Variants in GRM5 observed in about 807,000 individuals in gnomAD.
GRM5 encodes glutamate metabotropic receptor 5.
In GRM5, 19 loss-of-function variants were observed where a neutral mutation model predicts 83.1. The ratio of observed to expected loss-of-function variants is 0.23; its 90% CI spans 0.16 to 0.34. The LOEUF is 0.34. Ranked by LOEUF, GRM5 falls within the 10% of genes least tolerant of loss-of-function variation. GRM5 has a pLI of 1.00. For synonymous variants in GRM5, 675 were observed against 633.6 expected, an observed-to-expected ratio of 1.07 and a Z score of -0.98; for missense variants, 1,160 against 1,588.3, an observed-to-expected ratio of 0.73 and a Z score of 4.58.
chr11:88,703,402 T>A (rs966418483), intron 3 of GRM5, among the ~76,000 whole-genome samples: 3 of 151,956 alleles, frequency 2.0e-5, no homozygotes. Context: ...TATGTAGACA[T>A]CTCATGTTAC....
At chr11:88,693,907 C>T (rs939825742) in intron 3 of GRM5, among the ~76,000 whole-genome samples, 5 of 152,146 alleles carry the variant, frequency 3.3e-5, no homozygotes, top group Non-Finnish European at 7.4e-5. Flanking sequence ...ACATCTCAGG[C>T]TGGGTAATAG....
chr11:88,672,932 C>T (rs751916648), intron 3 of GRM5, among the ~76,000 whole-genome samples: 18 of 151,822 alleles, frequency 1.2e-4, no homozygotes, highest in Non-Finnish European at 1.5e-4. Flanking sequence ...GTTACTGTAT[C>T]GAGTCTTGAA....
At chr11:88,846,977 A>G (rs1024761946) in intron 3 of GRM5, among the ~76,000 whole-genome samples, 5 of 152,292 alleles carry the variant, frequency 3.3e-5, no homozygotes, top group Admixed American at 2.0e-4. Context: ...TTTCTACTCT[A>G]CAGAAGACAA....
intron 7 of GRM5, among the ~76,000 whole-genome samples, chr11:88,569,551 C>T (rs981341809): frequency 6.6e-5 from 10 of 152,178 alleles, no homozygotes; most frequent in African/African-American, 2.4e-4. Context: ...AGGAAAATGA[C>T]TCATGGTAGA....
chr11:89,058,639 A>G (rs1941925315), intron 1 of GRM5, among the ~76,000 whole-genome samples: 1 of 152,178 alleles, frequency 6.6e-6, no homozygotes, highest in African/African-American at 2.4e-5. Flanking sequence ...TTATGCAGTT[A>G]TTTGTCTGTA....
At position 88,509,483 on chromosome 11, in the gene GRM5, C is replaced by A. The variant is rs774259182; in HGVS notation, c.2748G>T (p.Thr916=). The A allele has an allele frequency of 6.2e-7, 1 of 1,611,904 alleles. No homozygotes were observed. The highest frequency in any genetic ancestry group is 8.5e-7 in the Non-Finnish European group (1 of 1,179,458). ...TMSSSNGKSV[T]WAQNEKSSRG... is the part of the protein sequence containing the mutation. ...GGCTGCTCTTCTCATTCTGGGCCCACGTGACGGATTTTCCATTGGAACTGA... is the reference window on the plus strand; with the variant it reads ...GGCTGCTCTTCTCATTCTGGGCCCAAGTGACGGATTTTCCATTGGAACTGA... The change falls in exon 10 of 10, where the codon ACG becomes ACT. Residue 916 remains threonine, a synonymous_variant. Coordinates refer to ENST00000305447, the MANE Select transcript of GRM5 (RefSeq NM_001143831.3).
chr11:88,889,981 G>A (rs1945114098), intron 2 of GRM5, among the ~76,000 whole-genome samples: 1 of 152,144 alleles, frequency 6.6e-6, no homozygotes, highest in Admixed American at 6.6e-5. Context: ...TGAGTTTTGG[G>A]TGTATCAAAA....
At position 88,970,319 on chromosome 11, in the gene GRM5, C is replaced by G. The variant is rs577237693; in HGVS notation, c.661+76893G>C. On this transcript the variant is annotated intron_variant, in intron 2 of 9. Transcript: ENST00000305447. ...ACTTACGAAGCTCTGCTTCTTCCAT[C>G]CTATGGCCCCTGCTTCCCCTAGATT... Among the ~76,000 whole-genome samples the G allele has an allele frequency of 8.5e-5, 13 of 152,268 alleles. No homozygotes were observed. The East Asian group carries it at 2.5e-3, about 29-fold the overall frequency.
intron 4 of GRM5, among the ~76,000 whole-genome samples, chr11:88,630,639 T>G (rs907568474): frequency 3.3e-5 from 5 of 151,714 alleles, no homozygotes; most frequent in Non-Finnish European, 4.4e-5. Flanking sequence ...AGTGCAATGG[T>G]GCGATCTTGG....
intron 2 of GRM5, among the ~76,000 whole-genome samples, chr11:88,966,169 G>C (rs1938954360): frequency 2.0e-5 from 3 of 151,752 alleles, no homozygotes; most frequent in Admixed American, 2.0e-4. Flanking sequence ...GAAGTCTCAA[G>C]GTAAAAATAT....
At position 88,902,542 on chromosome 11, in the gene GRM5, C is replaced by A. The variant is rs186109639; in HGVS notation, c.662-52387G>T. Among the ~76,000 whole-genome samples the A allele has an allele frequency of 4.5e-4, 69 of 152,030 alleles. 1 individual carries two copies. Among genetic ancestry groups the A allele is most frequent in the African/African-American group, 1.4e-3 (60 of 41,498 alleles). On this transcript the variant is annotated intron_variant, in intron 2 of 9. Transcript: ENST00000305447. ...CAGAAAATATTTATTGGTGCTAGAC[C>A]CATTTCTAAGACCTGGAAGGGTAGC...
At chr11:88,989,446 G>C (rs1939876838) in intron 2 of GRM5, among the ~76,000 whole-genome samples, 1 of 111,804 alleles carries the variant, frequency 8.9e-6, no homozygotes, top group African/African-American at 3.0e-5. Context: ...ACATTAGACA[G>C]ATCAACAAGA....
chr11:88,828,780 G>A (rs899884479), intron 3 of GRM5, among the ~76,000 whole-genome samples: 1 of 151,886 alleles, frequency 6.6e-6, no homozygotes, highest in African/African-American at 2.4e-5. Context: ...TATTAAATAA[G>A]AATTTTGAAT....
At chr11:88,537,979 A>T (rs1180930029) in intron 8 of GRM5, among the ~76,000 whole-genome samples, 1 of 152,134 alleles carries the variant, frequency 6.6e-6, no homozygotes, top group Non-Finnish European at 1.5e-5. Context: ...AAGGAATTAA[A>T]AAGTAAAAAA....
intron 4 of GRM5, among the ~76,000 whole-genome samples, chr11:88,623,921 A>C (rs1366837123): frequency 6.6e-6 from 1 of 152,216 alleles, no homozygotes; most frequent in Non-Finnish European, 1.5e-5. Flanking sequence ...ATCCTAAAAA[A>C]GTCAAACTAA....
At chr11:88,940,664 A>C (rs1938060439) in intron 2 of GRM5, among the ~76,000 whole-genome samples, 1 of 151,908 alleles carries the variant, frequency 6.6e-6, no homozygotes, top group Non-Finnish European at 1.5e-5. Context: ...CATCATGTTG[A>C]CTATAAACCT....
At chr11:88,748,823 T>G (rs1591486418) in intron 3 of GRM5, among the ~76,000 whole-genome samples, 1 of 151,766 alleles carries the variant, frequency 6.6e-6, no homozygotes, top group African/African-American at 2.4e-5. Flanking sequence ...GGTTCTGGAG[T>G]GGACCCCCAG....
At chr11:88,829,042 A>T (rs942170097) in intron 3 of GRM5, among the ~76,000 whole-genome samples, 4 of 144,616 alleles carry the variant, frequency 2.8e-5, no homozygotes, top group African/African-American at 1.2e-4. Flanking sequence ...ATTAGAAAAA[A>T]ATCTTAAAAA....
chr11:88,793,909 T>G (rs1428010590), intron 3 of GRM5, among the ~76,000 whole-genome samples: 1 of 152,106 alleles, frequency 6.6e-6, no homozygotes, highest in African/African-American at 2.4e-5. Flanking sequence ...CAGTGACACT[T>G]CAACCTGCTG....
Sources: allele counts gnomAD v4.1 joint callset (sites outside exome capture counted in the v4.1 genomes callset), GRCh38; gene constraint gnomAD v4.1.1; transcripts MANE v1.5; gene names NCBI Gene and HGNC (gene_info 2026-07-23, HGNC 2026-07-21).